TMEM244: variants seen among roughly 807,000 people sequenced by gnomAD.
The protein encoded by TMEM244 is transmembrane protein 244.
A neutral mutation model predicts 15.8 loss-of-function variants in TMEM244; 13 were observed. That is an observed-to-expected ratio of 0.82 (90% confidence interval 0.53 to 1.30). TMEM244 has a LOEUF of 1.30. TMEM244 is among the 50% of genes most tolerant of loss of function. TMEM244 has a pLI of 0.00. For missense variants in TMEM244, 161 were observed against 144.9 expected (o/e 1.11, Z -0.57); for synonymous variants, 45 against 48.7 (o/e 0.92, Z 0.32).
At chr6:129,839,275 T>C (rs947188802) in intron 3 of TMEM244, among the ~76,000 whole-genome samples, 1 of 152,204 alleles carries the variant, frequency 6.6e-6, no homozygotes, top group Non-Finnish European at 1.5e-5. Flanking sequence ...TGGTTCAACA[T>C]ATTCAAATCA....
intron 1 of TMEM244, among the ~76,000 whole-genome samples, chr6:129,860,640 ATTGT>A (rs1776794873): frequency 2.0e-5 from 3 of 151,944 alleles, no homozygotes; most frequent in South Asian, 4.2e-4. Flanking sequence ...CTTGTTTTCG[ATTGT>A]TTGATTTTTT....
At position 129,831,440 on chromosome 6, in the gene TMEM244, C is replaced by T. The variant is rs561021402; in HGVS notation, c.320-54G>A. On this transcript the variant is annotated intron_variant, in intron 4 of 4. Transcript: ENST00000368143. ...AAAACATGCGTTTTTATATTTTGCT[C>T]AAGAAGAAATACGTCTGTTTGGTCA... is the stretch of plus-strand genomic sequence containing the variant. 64 of 1,277,058 alleles carry T rather than the reference C, an allele frequency of 5.0e-5. No homozygotes were observed. In the South Asian group the frequency reaches 7.7e-4, roughly 15 times the overall value. 79.1% of individuals were successfully genotyped at this position (1,277,058 alleles called of 1,614,324 possible).
rs759640764 is a variant in TMEM244 at position 129,861,255 on chromosome 6, A to G, written c.-67T>C. 6.4e-7 allele frequency: 1 copy of G among 1,571,148 alleles called. No homozygotes were observed. Among genetic ancestry groups the G allele is most frequent in the South Asian group, 1.1e-5 (1 of 89,272 alleles). On this transcript the variant is annotated 5_prime_UTR_variant, in exon 1 of 5. Transcript: ENST00000368143. Reference sequence around the variant, plus strand: ...TTATAGCGATGACATCTGGAAGAAGACACAATTGTCACCGTGAGCTTTTCA... The same window carrying G: ...TTATAGCGATGACATCTGGAAGAAGGCACAATTGTCACCGTGAGCTTTTCA...
chr6:129,855,026 T>C (rs1776685966), intron 1 of TMEM244, among the ~76,000 whole-genome samples: 1 of 152,176 alleles, frequency 6.6e-6, no homozygotes, highest in Admixed American at 6.6e-5. Flanking sequence ...GTGATTACAA[T>C]GCAAATAGCT....
At position 129,845,765 on chromosome 6, in the gene TMEM244, A is replaced by C. The variant is rs1178518142; in HGVS notation, c.119+2T>G. ...TCTATTTGAAGACAATGTGCTACTT[A>C]CTCAAACATCACGCAGCCCATGCTC... On this transcript the variant is annotated splice_donor_variant, in intron 2 of 4. Coordinates refer to ENST00000368143, the MANE Select transcript of TMEM244 (RefSeq NM_001010876.2). LOFTEE classifies it high-confidence loss of function. 1 of 1,602,198 alleles carries C rather than the reference A, an allele frequency of 6.2e-7. No homozygotes were observed. The highest frequency in any genetic ancestry group is 8.5e-7 in the Non-Finnish European group (1 of 1,170,558).
At chr6:129,848,324 C>T (rs1282434303) in intron 1 of TMEM244, among the ~76,000 whole-genome samples, 1 of 152,216 alleles carries the variant, frequency 6.6e-6, no homozygotes, top group Non-Finnish European at 1.5e-5. Context: ...ACAGACTTCC[C>T]ATTATGTCTC....
intron 4 of TMEM244, among the ~76,000 whole-genome samples, chr6:129,831,869 G>C (rs182269599): frequency 7.0e-4 from 107 of 152,264 alleles, no homozygotes; most frequent in African/African-American, 2.5e-3. Context: ...AATATCAGTG[G>C]CTGTCTTGCA....
At chr6:129,858,774 A>C (rs1029512656) in intron 1 of TMEM244, among the ~76,000 whole-genome samples, 1 of 151,576 alleles carries the variant, frequency 6.6e-6, no homozygotes, top group Non-Finnish European at 1.5e-5. Flanking sequence ...ATGGAAGACA[A>C]GACCACTATA....
chr6:129,847,636 C>T (rs1369220333), intron 1 of TMEM244, among the ~76,000 whole-genome samples: 1 of 152,142 alleles, frequency 6.6e-6, no homozygotes, highest in Non-Finnish European at 1.5e-5. Flanking sequence ...CCCTTGCTCC[C>T]ACACCATCCT....
At chr6:129,838,962 A>G (rs1411436949) in intron 3 of TMEM244, among the ~76,000 whole-genome samples, 1 of 152,170 alleles carries the variant, frequency 6.6e-6, no homozygotes, top group African/African-American at 2.4e-5. Flanking sequence ...AAAAAAGTCC[A>G]TGACCAGATG....
At chr6:129,850,521 C>T (rs758939635) in intron 1 of TMEM244, among the ~76,000 whole-genome samples, 3 of 152,222 alleles carry the variant, frequency 2.0e-5, no homozygotes, top group Middle Eastern at 6.8e-3. Flanking sequence ...CCAATTTTAT[C>T]AACTAGATGG....
At chr6:129,853,892 C>T (rs1046984049) in intron 1 of TMEM244, among the ~76,000 whole-genome samples, 3 of 152,084 alleles carry the variant, frequency 2.0e-5, no homozygotes, top group African/African-American at 7.2e-5. Context: ...AACTAACTTG[C>T]CAATTTCTAC....
chr6:129,849,060 A>T (rs956502994), intron 1 of TMEM244, among the ~76,000 whole-genome samples: 1 of 152,142 alleles, frequency 6.6e-6, no homozygotes, highest in Admixed American at 6.5e-5. Flanking sequence ...GAAAACCTAC[A>T]AATAGTAAAT....
chr6:129,850,493 A>G (rs552403554), intron 1 of TMEM244, among the ~76,000 whole-genome samples: 1 of 152,212 alleles, frequency 6.6e-6, no homozygotes, highest in Non-Finnish European at 1.5e-5. Flanking sequence ...TGTTGACTCT[A>G]TCTCCCAATT....
intron 1 of TMEM244, among the ~76,000 whole-genome samples, chr6:129,855,854 A>G (rs1776698254): frequency 6.6e-6 from 1 of 152,142 alleles, no homozygotes; most frequent in Non-Finnish European, 1.5e-5. Context: ...TTTGTAATTA[A>G]TAAGTAATCT....
At chr6:129,838,930 A>G (rs548423348) in intron 3 of TMEM244, among the ~76,000 whole-genome samples, 13 of 149,972 alleles carry the variant, frequency 8.7e-5, no homozygotes, top group Non-Finnish European at 1.3e-4. Context: ...AATAGAGGAA[A>G]TAATTAATGG....
At chr6:129,839,082 G>C (rs902090772) in intron 3 of TMEM244, among the ~76,000 whole-genome samples, 2 of 152,150 alleles carry the variant, frequency 1.3e-5, no homozygotes, top group African/African-American at 4.8e-5. Context: ...ATTTCATGAG[G>C]CTAGCATCAT....
chr6:129,859,377 G>T (rs1776768239), intron 1 of TMEM244, among the ~76,000 whole-genome samples: 1 of 152,212 alleles, frequency 6.6e-6, no homozygotes, highest in African/African-American at 2.4e-5. Flanking sequence ...GAAATCATGA[G>T]ATATGACTCT....
In TMEM244 at chr6:129,843,472, A is replaced by G. The variant is rs1480328624; in HGVS notation, c.193+58T>C. ...TTAAAATTTTTTTATTAAAAAATTT[A>G]TGGGGTTAGTGGCATTTAGTTCACT... On this transcript the variant is annotated intron_variant, in intron 3 of 4. Transcript: ENST00000368143. The G allele has an allele frequency of 4.2e-6, 5 of 1,192,824 alleles. No individual in the cohort carries two copies. The Admixed American group carries it at 6.5e-5, about 16-fold the overall frequency. 73.9% of individuals were successfully genotyped at this position (1,192,824 alleles called of 1,614,324 possible). A position where few individuals can be genotyped will look rare whatever the true frequency, so the allele number is the denominator to read the frequency against.
Sources: gnomAD v4.1 joint callset for allele counts (sites outside exome capture counted in the v4.1 genomes callset) on GRCh38, gnomAD v4.1.1 for gene constraint, MANE v1.5 for transcripts, NCBI Gene and HGNC (gene_info 2026-07-23, HGNC 2026-07-21) for gene names.